The following R3HCC1L variants were observed in gnomAD, a reference collection of about 807,000 sequenced individuals.
R3HCC1L encodes the protein coiled-coil domain-containing protein R3HCC1L.
Under a neutral mutation model 59.9 loss-of-function variants are expected in R3HCC1L, and 51 were observed. The ratio of observed to expected loss-of-function variants is 0.85; its 90% CI spans 0.68 to 1.07. The LOEUF (loss-of-function observed/expected upper bound fraction) is 1.07, where lower values mean the gene tolerates loss of function less well. Among genes scored for constraint, R3HCC1L ranks in the 50% least tolerant of loss-of-function variants. R3HCC1L has a pLI of 0.00. For missense variants in R3HCC1L, 965 were observed against 933.0 expected, an observed-to-expected ratio of 1.03 and a Z score of -0.45; for synonymous variants, 322 against 315.2, an observed-to-expected ratio of 1.02 and a Z score of -0.23.
At chr10:98,213,503 A>G (rs1362406361) in intron 5 of R3HCC1L, among the ~76,000 whole-genome samples, 1 of 152,154 alleles carries the variant, frequency 6.6e-6, no homozygotes, top group East Asian at 1.9e-4. Flanking sequence ...CTTCAAAAGG[A>G]GATTAGAGGG....
chr10:98,140,401 C>G (rs1845024697), intron 1 of R3HCC1L, among the ~76,000 whole-genome samples: 2 of 152,042 alleles, frequency 1.3e-5, no homozygotes, highest in Admixed American at 1.3e-4. Context: ...GAGAGGAGCT[C>G]AAAGACACCT....
chr10:98,210,035 A>G (rs1315992987), intron 5 of R3HCC1L, 136 bp downstream of exon 5: 1 of 666,800 alleles, frequency 1.5e-6, no homozygotes, highest in East Asian at 2.8e-5. Context: ...GTAGATTAAG[A>G]AGAGAATATC....
intron 5 of R3HCC1L, chr10:98,211,347 A>G (rs1853550820): frequency 2.0e-6 from 3 of 1,533,784 alleles, no homozygotes; most frequent in Non-Finnish European, 2.6e-6. Flanking sequence ...CACTGCTCAA[A>G]GGTAATACAC....
At chr10:98,180,963 TC>T (rs538870993) in intron 4 of R3HCC1L, among the ~76,000 whole-genome samples, 4 of 152,212 alleles carry the variant, frequency 2.6e-5, no homozygotes, top group Non-Finnish European at 4.4e-5. Context: ...GAGTTGGGTC[TC>T]CTGAATACAG....
rs148777372 is a variant in R3HCC1L at position 98,193,294 on chromosome 10, A to G, written c.-14-14807A>G. 2.1e-4 allele frequency among the ~76,000 whole-genome samples: 32 copies of G among 152,262 alleles called. No homozygotes were observed. The East Asian group carries it at 5.8e-3, about 28-fold the overall frequency. ...GAGCAGTTAGACGAGAAAAAGAAAT[A>G]AAAAGCATCCAAATTGGAAAGGAGG... On this transcript the variant is annotated intron_variant, in intron 4 of 9. Coordinates refer to ENST00000298999, the MANE Select transcript of R3HCC1L (RefSeq NM_001351015.2).
intron 1 of R3HCC1L, among the ~76,000 whole-genome samples, chr10:98,135,394 C>T (rs543004460): frequency 2.0e-4 from 31 of 152,308 alleles, no homozygotes; most frequent in African/African-American, 6.5e-4. Context: ...GTTTCGTTGT[C>T]TGAAAAGTGG....
chr10:98,172,775 C>T (rs932672306), intron 4 of R3HCC1L, among the ~76,000 whole-genome samples: 1 of 152,202 alleles, frequency 6.6e-6, no homozygotes, highest in Admixed American at 6.5e-5. Flanking sequence ...CTTCCCGTCA[C>T]TGCCAGCCTA....
At chr10:98,185,495 A>G (rs931263462) in intron 4 of R3HCC1L, among the ~76,000 whole-genome samples, 7 of 152,182 alleles carry the variant, frequency 4.6e-5, no homozygotes, top group Non-Finnish European at 1.0e-4. Context: ...AAGATTATGT[A>G]GGAATTAGGT....
At chr10:98,229,201 T>G (rs544497807) in intron 5 of R3HCC1L, among the ~76,000 whole-genome samples, 1 of 152,326 alleles carries the variant, frequency 6.6e-6, no homozygotes, top group South Asian at 2.1e-4. Context: ...ACGATATTGA[T>G]TCTTCCTACC....
At position 98,135,465 on chromosome 10, in the gene R3HCC1L, C is replaced by T. The variant is rs114193082; in HGVS notation, c.-268+759C>T. Among the ~76,000 whole-genome samples, 227 of 152,304 alleles carry T rather than the reference C, an allele frequency of 1.5e-3. 2 individuals carry two copies. Among genetic ancestry groups the T allele is most frequent in the African/African-American group, 5.4e-3 (224 of 41,558 alleles). ...GTGGGCTTCAGCAGAAGTGATATTC[C>T]TGCGAAAGCTTTGAACTCTAAAGTA... On this transcript the variant is annotated intron_variant, in intron 1 of 9. Transcript: ENST00000298999.
rs189915105 is a variant in R3HCC1L, at chr10:98,195,877, A to G, written c.-14-12224A>G. Among the ~76,000 whole-genome samples the G allele has an allele frequency of 1.6e-3, 237 of 152,334 alleles. 2 individuals carry two copies. Among genetic ancestry groups the G allele is most frequent in the African/African-American group, 5.3e-3 (220 of 41,578 alleles). ...AGTATTCCAAAGCTGTATACTGACT[A>G]TTGCTAAAGAAGCAGAGTTTATTTA... is the stretch of plus-strand genomic sequence containing the variant. On this transcript the variant is annotated intron_variant, in intron 4 of 9. Transcript: ENST00000298999.
intron 6 of R3HCC1L, among the ~76,000 whole-genome samples, chr10:98,234,158 A>T (rs779995495): frequency 1.6e-4 from 25 of 152,158 alleles, no homozygotes; most frequent in Non-Finnish European, 3.5e-4. Context: ...ATAGTGCATT[A>T]AATACTTTAC....
intron 4 of R3HCC1L, among the ~76,000 whole-genome samples, chr10:98,175,098 A>C (rs949235213): frequency 6.6e-6 from 1 of 152,168 alleles, no homozygotes; most frequent in Admixed American, 6.5e-5. Flanking sequence ...TAAGTCAATG[A>C]AGTTTTAAGT....
intron 4 of R3HCC1L, among the ~76,000 whole-genome samples, chr10:98,166,562 T>C (rs1041292179): frequency 6.6e-6 from 1 of 152,184 alleles, no homozygotes; most frequent in African/African-American, 2.4e-5. Context: ...CTTTATGACA[T>C]TTTCCTCACC....
chr10:98,211,017 C>G (rs748492923), intron 5 of R3HCC1L, among the ~76,000 whole-genome samples: 13 of 152,172 alleles, frequency 8.5e-5, no homozygotes, highest in Non-Finnish European at 1.5e-4. Context: ...AAGAATTTCC[C>G]TGTACCACAA....
intron 9 of R3HCC1L, among the ~76,000 whole-genome samples, chr10:98,236,623 G>T (rs1164791033): frequency 6.6e-6 from 1 of 152,206 alleles, no homozygotes; most frequent in East Asian, 1.9e-4. Flanking sequence ...ACAACTGTAG[G>T]AGGTATTTTT....
At chr10:98,145,182 G>A (rs1412184149) in intron 1 of R3HCC1L, among the ~76,000 whole-genome samples, 1 of 152,172 alleles carries the variant, frequency 6.6e-6, no homozygotes, top group African/African-American at 2.4e-5. Flanking sequence ...AGGCTGCCTT[G>A]GCAACTTTGT....
At position 98,208,178 on chromosome 10, in the gene R3HCC1L, C is replaced by T. The variant is rs148941402; in HGVS notation, c.64C>T (p.Pro22Ser). 263 of 1,613,618 alleles carry T rather than the reference C, an allele frequency of 1.6e-4. 1 individual carries two copies. In the African/African-American group the frequency reaches 3.3e-3, roughly 20 times the overall value. Reference protein sequence around the residue: ...ARRPDMALYVPKARRGAVLLK... With the variant: ...ARRPDMALYVSKARRGAVLLK... ...AAGGCCTGACATGGCACTTTATGTA[C>T]CTAAAGCTCGTAGGGGTGCAGTACT... Residue 22 changes from proline (P) to serine (S), a missense_variant, in exon 5 of 10, where the codon CCT becomes TCT. Pro to Ser is a moderately conservative substitution (Grantham distance 74). Transcript: ENST00000298999.
chr10:98,208,825 A>G lies in R3HCC1L; in HGVS notation c.711A>G (p.Ile237Met). 1 of 1,614,120 alleles carries G rather than the reference A, an allele frequency of 6.2e-7. No individual in the cohort carries two copies. Among genetic ancestry groups the G allele is most frequent in the Non-Finnish European group, 8.5e-7 (1 of 1,180,004 alleles). Residue 237 changes from isoleucine (I) to methionine (M), a missense_variant, in exon 5 of 10, where the codon ATA (isoleucine) becomes ATG (methionine). Physicochemically the swap from Ile to Met is conservative, Grantham distance 10 (BLOSUM62 1). Transcript: ENST00000298999. ...VMKPENMIVP[I>M]KLSSDSEIVQ... is the part of the protein sequence containing the mutation. The stretch of plus-strand genomic sequence containing the variant: ...AACCTGAGAATATGATTGTACCAAT[A>G]AAACTAAGCTCTGATTCTGAAATTG...
Sources: gnomAD v4.1 joint callset for allele counts (sites outside exome capture counted in the v4.1 genomes callset) on GRCh38, gnomAD v4.1.1 for gene constraint, MANE v1.5 for transcripts, NCBI Gene and HGNC (gene_info 2026-07-23, HGNC 2026-07-21) for gene names.